The following GRM7 variants were observed in gnomAD, a reference collection of about 807,000 sequenced individuals.
GRM7 encodes glutamate metabotropic receptor 7, also known as metabotropic glutamate receptor 7.
A neutral mutation model predicts 84.5 loss-of-function variants in GRM7; 35 were observed. That is an observed-to-expected ratio of 0.41 (90% confidence interval 0.32 to 0.55). The LOEUF is 0.55. GRM7 is among the 20% of genes least tolerant of loss of function. The pLI, the probability that GRM7 is intolerant of heterozygous loss-of-function variation, is 0.19. For synonymous variants in GRM7, 487 were observed against 455.1 expected (o/e 1.07, Z -0.89); for missense variants, 1,003 against 1,194.6 (o/e 0.84, Z 2.36).
intron 1 of GRM7, among the ~76,000 whole-genome samples, chr3:7,129,678 T>C (rs1277878956): frequency 2.0e-5 from 3 of 152,082 alleles, no homozygotes; most frequent in African/African-American, 4.8e-5. Context: ...TCAGCAGACA[T>C]CTGAAACTAT....
intron 1 of GRM7, among the ~76,000 whole-genome samples, chr3:6,932,451 G>C (rs1230903007): frequency 2.0e-5 from 3 of 152,146 alleles, no homozygotes; most frequent in African/African-American, 4.8e-5. Context: ...ATTTCTTATA[G>C]TTTGGGGACA....
chr3:7,436,391 T>A (rs181406673), intron 5 of GRM7, among the ~76,000 whole-genome samples: 26 of 152,286 alleles, frequency 1.7e-4, no homozygotes, highest in Non-Finnish European at 2.8e-4. Flanking sequence ...TGTCTTACCT[T>A]CTTTTCTTTT....
chr3:7,299,823 A>G (rs890704243), intron 3 of GRM7, among the ~76,000 whole-genome samples: 1 of 152,160 alleles, frequency 6.6e-6, no homozygotes, highest in Non-Finnish European at 1.5e-5. Flanking sequence ...ATTAATTGAC[A>G]TGTAATTTGG....
At chr3:7,651,542 A>G (rs1698937720) in intron 8 of GRM7, among the ~76,000 whole-genome samples, 1 of 152,186 alleles carries the variant, frequency 6.6e-6, no homozygotes, top group African/African-American at 2.4e-5. Context: ...AAAGAACAAG[A>G]AGGGGAGAGC....
intron 3 of GRM7, among the ~76,000 whole-genome samples, chr3:7,303,339 A>G (rs1241068568): frequency 6.6e-6 from 1 of 152,076 alleles, no homozygotes; most frequent in African/African-American, 2.4e-5. Context: ...CCATCTCACC[A>G]TGCTTCCTGG....
intron 1 of GRM7, among the ~76,000 whole-genome samples, chr3:7,138,996 A>C (rs1055596420): frequency 1.3e-5 from 2 of 149,016 alleles, no homozygotes; most frequent in Non-Finnish European, 1.5e-5. Context: ...TTTCACCTTT[A>C]CTATATTTTT....
chr3:7,298,563 A>G, intron 2 of GRM7, 121 bp from the exon 3 acceptor site: 1 of 775,926 alleles, frequency 1.3e-6, no homozygotes, highest in Non-Finnish European at 2.1e-6. Flanking sequence ...CTCGCTTAGC[A>G]ACAGCATCAA....
At chr3:7,166,194 A>C (rs1048570069) in intron 2 of GRM7, among the ~76,000 whole-genome samples, 2 of 152,022 alleles carry the variant, frequency 1.3e-5, no homozygotes, top group Non-Finnish European at 2.9e-5. Context: ...TAAATTATGA[A>C]CTTTCTTTAG....
At chr3:7,081,358 C>A (rs530675922) in intron 1 of GRM7, among the ~76,000 whole-genome samples, 1 of 152,172 alleles carries the variant, frequency 6.6e-6, no homozygotes, top group South Asian at 2.1e-4. Context: ...TATCTGTGAT[C>A]AGTGATCTTT....
intron 1 of GRM7, among the ~76,000 whole-genome samples, chr3:6,935,557 G>C (rs941072924): frequency 1.3e-5 from 2 of 151,824 alleles, no homozygotes; most frequent in African/African-American, 4.8e-5. Context: ...TGTGAAAACA[G>C]ATCTGAGCCT....
In GRM7 at chr3:6,904,745, A is replaced by G. The variant is rs955178973; in HGVS notation, c.519+42838A>G. On this transcript the variant is annotated intron_variant, in intron 1 of 9. Coordinates refer to ENST00000357716, the MANE Select transcript of GRM7 (RefSeq NM_000844.4). ...TGTGTTTTTTTTTTCTTTTGAGATGAGGTCTCAGTCTGTTGCCCAGGCTGT... is the reference window on the plus strand; with the variant it reads ...TGTGTTTTTTTTTTCTTTTGAGATGGGGTCTCAGTCTGTTGCCCAGGCTGT... 2.2e-4 allele frequency among the ~76,000 whole-genome samples: 33 copies of G among 151,312 alleles called. 3 individuals are homozygous for G. The highest frequency in any genetic ancestry group is 2.9e-5 in the Non-Finnish European group (2 of 67,880).
chr3:7,001,249 C>G (rs1033925770), intron 1 of GRM7, among the ~76,000 whole-genome samples: 4 of 152,114 alleles, frequency 2.6e-5, no homozygotes, highest in Admixed American at 6.5e-5. Context: ...ACTTGGAAGG[C>G]TGAGGCAGGA....
chr3:7,209,850 G>GT (rs900975712), intron 2 of GRM7, among the ~76,000 whole-genome samples: 9 of 152,196 alleles, frequency 5.9e-5, no homozygotes, highest in Middle Eastern at 6.8e-3. Context: ...AATTTATTTT[G>GT]TTTTTTTACA....
At chr3:7,626,170 G>T (rs1697598410) in intron 8 of GRM7, among the ~76,000 whole-genome samples, 1 of 152,104 alleles carries the variant, frequency 6.6e-6, no homozygotes, top group Non-Finnish European at 1.5e-5. Context: ...TACTCTGAGG[G>T]TCATCCAGCC....
At chr3:7,499,033 G>T (rs1181711462) in intron 7 of GRM7, among the ~76,000 whole-genome samples, 1 of 152,190 alleles carries the variant, frequency 6.6e-6, no homozygotes, top group Non-Finnish European at 1.5e-5. Flanking sequence ...GCTCTGCTAG[G>T]CAGTTCTTGC....
chr3:7,352,677 C>T (rs1693214337), intron 4 of GRM7, among the ~76,000 whole-genome samples: 1 of 152,038 alleles, frequency 6.6e-6, no homozygotes, highest in Non-Finnish European at 1.5e-5. Context: ...GTGTGAGGAC[C>T]TTGATGAAGT....
intron 7 of GRM7, among the ~76,000 whole-genome samples, chr3:7,482,076 T>G (rs1699150895): frequency 6.6e-6 from 1 of 152,116 alleles, no homozygotes; most frequent in African/African-American, 2.4e-5. Context: ...TAGTCCCAGC[T>G]ACCTGGGAGG....
At chr3:7,404,678 A>G (rs1378122740) in intron 4 of GRM7, among the ~76,000 whole-genome samples, 1 of 152,106 alleles carries the variant, frequency 6.6e-6, no homozygotes, top group Non-Finnish European at 1.5e-5. Flanking sequence ...GGAAATAACA[A>G]CTGTGTGTTC....
chr3:7,445,202 G>T (rs146431387), intron 5 of GRM7, among the ~76,000 whole-genome samples: 39 of 152,162 alleles, frequency 2.6e-4, no homozygotes, highest in African/African-American at 9.4e-4. Flanking sequence ...ATCATGGCCC[G>T]CATGAACTTT....
Sources: allele counts gnomAD v4.1 joint callset (sites outside exome capture counted in the v4.1 genomes callset), GRCh38; gene constraint gnomAD v4.1.1; transcripts MANE v1.5; gene names NCBI Gene and HGNC (gene_info 2026-07-23, HGNC 2026-07-21).